Variants in NDST4 observed in about 807,000 individuals in gnomAD.
NDST4 encodes N-deacetylase and N-sulfotransferase 4.
NDST4 carries 63 observed loss-of-function variants against 100.8 expected under a neutral mutation model. The ratio of observed to expected loss-of-function variants is 0.62; its 90% confidence interval spans 0.51 to 0.77. The LOEUF (loss-of-function observed/expected upper bound fraction) is 0.77. NDST4 is among the 30% of genes least tolerant of loss of function. NDST4 has a pLI of 0.00. For missense variants in NDST4, 943 were observed against 1,018.4 expected, an observed-to-expected ratio of 0.93 and a Z score of 1.01; for synonymous variants, 377 against 361.8, an observed-to-expected ratio of 1.04 and a Z score of -0.48.
chr4:115,015,658 T>G (rs1467244156), intron 2 of NDST4, among the ~76,000 whole-genome samples: 3 of 152,026 alleles, frequency 2.0e-5, no homozygotes, highest in South Asian at 2.1e-4. Context: ...CAGAGGAGGA[T>G]TTTAATAACC....
At chr4:115,083,958 G>A (rs1376478529) in intron 1 of NDST4, among the ~76,000 whole-genome samples, 1 of 152,134 alleles carries the variant, frequency 6.6e-6, no homozygotes, top group Non-Finnish European at 1.5e-5. Context: ...AGAGAGTGAG[G>A]CACTGCTGTA....
At chr4:115,111,493 T>C (rs1278137548) in intron 1 of NDST4, among the ~76,000 whole-genome samples, 2 of 151,682 alleles carry the variant, frequency 1.3e-5, no homozygotes, top group African/African-American at 2.4e-5. Context: ...TTTAGGATAA[T>C]ATATTTAAAA....
chr4:114,974,239 T>C (rs1240694350), intron 3 of NDST4, among the ~76,000 whole-genome samples: 13 of 151,620 alleles, frequency 8.6e-5, no homozygotes, highest in South Asian at 2.1e-4. Flanking sequence ...GTTACCAATA[T>C]CAGGTCTTTT....
chr4:115,070,354 C>CTCACT (rs1420752381), intron 2 of NDST4, among the ~76,000 whole-genome samples: 6 of 151,908 alleles, frequency 3.9e-5, no homozygotes. Flanking sequence ...TAAGTGGGAG[C>CTCACT]TAAAAGATGA....
At chr4:114,845,341 T>G (rs896168919) in intron 10 of NDST4, among the ~76,000 whole-genome samples, 2 of 152,190 alleles carry the variant, frequency 1.3e-5, no homozygotes, top group Non-Finnish European at 2.9e-5. Context: ...CCAATTGGGT[T>G]GATTATTTTC....
chr4:114,890,381 G>A (rs1422214912), intron 6 of NDST4, among the ~76,000 whole-genome samples: 1 of 151,942 alleles, frequency 6.6e-6, no homozygotes, highest in Non-Finnish European at 1.5e-5. Context: ...GTGGTCAAGG[G>A]CATGTTATTA....
Position 114,860,435 on chromosome 4 carries a change from T to C in NDST4, c.1720-7614A>G, listed in dbSNP as rs148479854. Among the ~76,000 whole-genome samples the C allele has an allele frequency of 1.1e-4, 17 of 152,332 alleles. No individual in the cohort carries two copies. In the East Asian group the frequency reaches 3.1e-3, roughly 28 times the overall value. Reference sequence around the variant, plus strand: ...TATATTTCACACTCTTTCTTCAATGTAGCTTTCTTCATATTAATTTCAGTT... The same window carrying C: ...TATATTTCACACTCTTTCTTCAATGCAGCTTTCTTCATATTAATTTCAGTT... On this transcript the variant is annotated intron_variant, in intron 7 of 13. Transcript: ENST00000264363.
At chr4:115,026,993 T>C (rs182489640) in intron 2 of NDST4, among the ~76,000 whole-genome samples, 178 of 152,274 alleles carry the variant, frequency 1.2e-3, no homozygotes, top group South Asian at 2.5e-3. Flanking sequence ...CAGAGTCTAG[T>C]TGCTGTTTAA....
chr4:114,929,455 C>T (rs926726310), intron 6 of NDST4, among the ~76,000 whole-genome samples: 4 of 152,228 alleles, frequency 2.6e-5, no homozygotes, highest in Middle Eastern at 3.4e-3. Context: ...TCCATACTAT[C>T]GACCCTCTTG....
At chr4:115,090,540 ATTTGATAT>A in intron 1 of NDST4, among the ~76,000 whole-genome samples, 1 of 152,002 alleles carries the variant, frequency 6.6e-6, no homozygotes, top group Non-Finnish European at 1.5e-5. Context: ...TGTTAATTAT[ATTTGATAT>A]TTTTTTCTAG....
At chr4:114,942,017 C>T (rs978406561) in intron 4 of NDST4, among the ~76,000 whole-genome samples, 1 of 152,134 alleles carries the variant, frequency 6.6e-6, no homozygotes. Flanking sequence ...CTGCTCAATA[C>T]TTATCCAATA....
rs774541373 is a variant in NDST4 at position 114,839,500 on chromosome 4, C to G, written c.2164G>C (p.Glu722Gln). 3.1e-6 allele frequency: 5 copies of G among 1,613,854 alleles called. No homozygotes were observed. The East Asian group carries it at 1.1e-4, about 36-fold the overall frequency. The change falls in exon 11 of 14, where the codon GAA becomes CAA. Residue 722 changes from glutamate (E) to glutamine (Q), a missense_variant. By Grantham distance (29) the Glu-to-Gln change is conservative. Around this residue, in one of 2 missense-constraint regions of NDST4, gnomAD observed 526 missense variants for 634.1 expected, o/e 0.83. Coordinates refer to ENST00000264363, the MANE Select transcript of NDST4 (RefSeq NM_022569.3). ...GCCCAATGTCCTGTTGAAATAACTTCATAGAAATTGAACCTCAGAGCAGCT... is the reference window on the plus strand; with the variant it reads ...GCCCAATGTCCTGTTGAAATAACTTGATAGAAATTGAACCTCAGAGCAGCT... ...DPAALRFNFY[E>Q]VISTGHWAPS...
intron 6 of NDST4, among the ~76,000 whole-genome samples, chr4:114,878,016 AAAG>A (rs1206896232): frequency 1.3e-5 from 2 of 152,058 alleles, no homozygotes; most frequent in Non-Finnish European, 2.9e-5. Context: ...GAAGAAGAGA[AAAG>A]AAAGAGAAAA....
chr4:114,899,784 T>C (rs1322575104), intron 6 of NDST4, among the ~76,000 whole-genome samples: 1 of 152,144 alleles, frequency 6.6e-6, no homozygotes, highest in Non-Finnish European at 1.5e-5. Flanking sequence ...TATATTGGTC[T>C]GTAGTTTTTG....
chr4:115,081,658 T>G (rs974852806), intron 1 of NDST4, among the ~76,000 whole-genome samples: 4 of 152,214 alleles, frequency 2.6e-5, no homozygotes, highest in African/African-American at 9.6e-5. Context: ...ATTAAAATGC[T>G]GCTATAATGG....
At chr4:115,047,386 C>T (rs1303077894) in intron 2 of NDST4, among the ~76,000 whole-genome samples, 1 of 151,906 alleles carries the variant, frequency 6.6e-6, no homozygotes, top group Non-Finnish European at 1.5e-5. Context: ...ACACATTTAC[C>T]AAAAGAATAC....
intron 6 of NDST4, among the ~76,000 whole-genome samples, chr4:114,900,929 T>G (rs959759153): frequency 6.6e-6 from 1 of 152,164 alleles, no homozygotes; most frequent in Non-Finnish European, 1.5e-5. Flanking sequence ...GTGTTGTTAA[T>G]CTCCAAACAT....
intron 2 of NDST4, among the ~76,000 whole-genome samples, chr4:114,988,726 A>C (rs1298650194): frequency 6.6e-6 from 1 of 152,122 alleles, no homozygotes; most frequent in African/African-American, 2.4e-5. Context: ...ATTATGAGTC[A>C]GTTTATATAC....
chr4:114,834,596 C>A (rs1311188937), intron 11 of NDST4, among the ~76,000 whole-genome samples: 1 of 150,882 alleles, frequency 6.6e-6, no homozygotes, highest in Non-Finnish European at 1.5e-5. Flanking sequence ...TTGCCCTGAG[C>A]TGGAAGATAG....
Sources: allele counts gnomAD v4.1 joint callset (sites outside exome capture counted in the v4.1 genomes callset), GRCh38; gene constraint gnomAD v4.1.1; regional missense constraint gnomAD v4.1.1; transcripts MANE v1.5; gene names NCBI Gene and HGNC (gene_info 2026-07-23, HGNC 2026-07-21).